Variants in RASAL2 observed in about 807,000 individuals in gnomAD.
RASAL2 encodes the protein ras GTPase-activating protein nGAP.
RASAL2 carries 58 observed loss-of-function variants against 128.9 expected under a neutral mutation model. The ratio of observed to expected loss-of-function variants is 0.45; its 90% confidence interval spans 0.36 to 0.56. RASAL2 has a LOEUF of 0.56. Among genes scored for constraint, RASAL2 ranks in the 20% least tolerant of loss-of-function variants. The probability of loss-of-function intolerance (pLI) is 0.00; values close to 1 mark genes in which losing one functional copy is unlikely to be tolerated. For missense variants in RASAL2, 1,360 were observed against 1,601.6 expected (o/e 0.85, Z 2.57); for synonymous variants, 561 against 580.8 (o/e 0.97, Z 0.49).
At chr1:178,263,905 T>C (rs955796093) in intron 1 of RASAL2, among the ~76,000 whole-genome samples, 1 of 152,164 alleles carries the variant, frequency 6.6e-6, no homozygotes, top group East Asian at 1.9e-4. Context: ...TGTATTGAGT[T>C]GTGTTAAACA....
chr1:178,258,025 T>C (rs780575388), intron 1 of RASAL2, among the ~76,000 whole-genome samples: 1 of 152,022 alleles, frequency 6.6e-6, no homozygotes, highest in African/African-American at 2.4e-5. Flanking sequence ...CTGGGCCCTG[T>C]GGCTCACACC....
chr1:178,138,941 A>G (rs879414982), intron 1 of RASAL2, among the ~76,000 whole-genome samples: 2 of 152,086 alleles, frequency 1.3e-5, no homozygotes, highest in Non-Finnish European at 2.9e-5. Flanking sequence ...TAATTTTAAG[A>G]TTATATAATA....
chr1:178,148,794 C>T (rs920028331), intron 1 of RASAL2, among the ~76,000 whole-genome samples: 1 of 152,092 alleles, frequency 6.6e-6, no homozygotes, highest in Non-Finnish European at 1.5e-5. Flanking sequence ...TTGTCCATGG[C>T]TACTCAAAGT....
chr1:178,394,455 G>A (rs1673093606), intron 4 of RASAL2, among the ~76,000 whole-genome samples: 1 of 152,060 alleles, frequency 6.6e-6, no homozygotes, highest in African/African-American at 2.4e-5. Context: ...TGATATTTTG[G>A]AACAGGCTTT....
chr1:178,431,765 A>T (rs759880596), intron 5 of RASAL2, among the ~76,000 whole-genome samples: 2 of 151,898 alleles, frequency 1.3e-5, no homozygotes, highest in African/African-American at 4.8e-5. Flanking sequence ...AGGTTCCAAT[A>T]TGGATAGAAG....
intron 1 of RASAL2, among the ~76,000 whole-genome samples, chr1:178,095,531 T>C (rs1301467090): frequency 1.3e-5 from 2 of 152,140 alleles, no homozygotes; most frequent in Non-Finnish European, 1.5e-5. Context: ...GCAGAAGACA[T>C]TAGTAACGTG....
intron 3 of RASAL2, among the ~76,000 whole-genome samples, chr1:178,375,089 G>A: frequency 6.6e-6 from 1 of 152,084 alleles, no homozygotes; most frequent in East Asian, 1.9e-4. Context: ...ATTGCTTTGG[G>A]AGTTTGAAGA....
rs563702979 is a variant in RASAL2, at chr1:178,117,277, G to A, written c.202+22583G>A. Among the ~76,000 whole-genome samples, 5 of 152,278 alleles carry A rather than the reference G, an allele frequency of 3.3e-5. No individual in the cohort carries two copies. In the East Asian group the frequency reaches 7.7e-4, roughly 23 times the overall value. On this transcript the variant is annotated intron_variant, in intron 1 of 17. Coordinates refer to ENST00000367649, the MANE Select transcript of RASAL2 (RefSeq NM_170692.4). ...TTAACCTGAGTAGCTTTTGGGGCTA[G>A]CATCTCAATCAGGTGCAGTTTCTGA...
At chr1:178,257,850 A>AG (rs1665450866) in intron 1 of RASAL2, among the ~76,000 whole-genome samples, 1 of 151,508 alleles carries the variant, frequency 6.6e-6, no homozygotes, top group Non-Finnish European at 1.5e-5. Context: ...CAAAAAAGAA[A>AG]AAAAAAAAAA....
At chr1:178,100,608 AGAG>A (rs1658860721) in intron 1 of RASAL2, among the ~76,000 whole-genome samples, 1 of 152,188 alleles carries the variant, frequency 6.6e-6, no homozygotes, top group Non-Finnish European at 1.5e-5. Context: ...GAAAAAGAAA[AGAG>A]ATTCACATGA....
intron 3 of RASAL2, among the ~76,000 whole-genome samples, chr1:178,358,356 CTT>C (rs1670928279): frequency 6.8e-6 from 1 of 147,982 alleles, no homozygotes; most frequent in South Asian, 2.2e-4. Flanking sequence ...CATCTATAGA[CTT>C]TAAGTAAAGA....
At chr1:178,458,627 C>G (rs577323823) in intron 14 of RASAL2, 83 bp downstream of exon 14, 3 of 1,473,566 alleles carry the variant, frequency 2.0e-6, no homozygotes, top group African/African-American at 2.8e-5. Context: ...ATTGGGAAAT[C>G]CTATTGTTAA....
intron 1 of RASAL2, among the ~76,000 whole-genome samples, chr1:178,254,113 G>A (rs1665197621): frequency 6.6e-6 from 1 of 152,130 alleles, no homozygotes; most frequent in African/African-American, 2.4e-5. Context: ...CCTACTTTCA[G>A]TTCCCAGAAT....
intron 1 of RASAL2, among the ~76,000 whole-genome samples, chr1:178,184,555 T>G (rs535924376): frequency 6.6e-6 from 1 of 152,106 alleles, no homozygotes; most frequent in South Asian, 2.1e-4. Flanking sequence ...CATCCAATGT[T>G]TCAGCATTAT....
chr1:178,151,331 G>A (rs1163929133), intron 1 of RASAL2, among the ~76,000 whole-genome samples: 1 of 152,064 alleles, frequency 6.6e-6, no homozygotes, highest in Admixed American at 6.5e-5. Context: ...CTTGAACCCA[G>A]TAAACGGAGG....
At chr1:178,409,434 C>T (rs1421897479) in intron 4 of RASAL2, among the ~76,000 whole-genome samples, 1 of 152,012 alleles carries the variant, frequency 6.6e-6, no homozygotes, top group Non-Finnish European at 1.5e-5. Context: ...AAAAGACACC[C>T]TAGAAGAGAT....
chr1:178,128,943 G>A (rs948705995), intron 1 of RASAL2, among the ~76,000 whole-genome samples: 1 of 151,816 alleles, frequency 6.6e-6, no homozygotes, highest in Non-Finnish European at 1.5e-5. Context: ...TCATTCATTA[G>A]TAGATGGACA....
chr1:178,207,457 A>C (rs1663093187), intron 1 of RASAL2, among the ~76,000 whole-genome samples: 1 of 152,192 alleles, frequency 6.6e-6, no homozygotes, highest in Non-Finnish European at 1.5e-5. Flanking sequence ...ATCTGGTGAT[A>C]ATTTAAAATT....
chr1:178,339,475 A>G (rs1669756738), intron 3 of RASAL2, among the ~76,000 whole-genome samples: 2 of 152,180 alleles, frequency 1.3e-5, no homozygotes, highest in South Asian at 4.1e-4. Flanking sequence ...ATGCTTCACT[A>G]TTTAGCCATG....
Sources: gnomAD v4.1 joint callset for allele counts (sites outside exome capture counted in the v4.1 genomes callset) on GRCh38, gnomAD v4.1.1 for gene constraint, MANE v1.5 for transcripts, NCBI Gene and HGNC (gene_info 2026-07-23, HGNC 2026-07-21) for gene names.